Variants in SYNDIG1L observed in about 807,000 individuals in gnomAD.
SYNDIG1L encodes synapse differentiation inducing 1 like, also known as synapse differentiation-inducing gene protein 1-like.
A neutral mutation model predicts 20.1 loss-of-function variants in SYNDIG1L; 13 were observed. The observed-to-expected ratio is 0.65, with a 90% CI of 0.42 to 1.03. SYNDIG1L has a LOEUF of 1.03. Ranked by LOEUF, SYNDIG1L falls within the 50% of genes least tolerant of loss-of-function variation. The pLI, the probability that SYNDIG1L is intolerant of heterozygous loss-of-function variation, is 0.00. For synonymous variants in SYNDIG1L, 128 were observed against 129.3 expected (o/e 0.99, Z 0.07); for missense variants, 294 against 305.1 (o/e 0.96, Z 0.27).
At chr14:74,473,856 G>C in the SYNDIG1L span, among the ~76,000 whole-genome samples, 1 of 152,190 alleles carries the variant, frequency 6.6e-6, no homozygotes, top group Non-Finnish European at 1.5e-5. Context: ...CTATACCCTC[G>C]GAACTAGAAG....
At chr14:74,475,621 G>C in the SYNDIG1L span, among the ~76,000 whole-genome samples, 1 of 151,740 alleles carries the variant, frequency 6.6e-6, no homozygotes, top group Non-Finnish European at 1.5e-5. Context: ...GCTCCTGGGA[G>C]GGTCTGAGAC....
chr14:74,426,950 T>G (rs570404588), upstream of SYNDIG1L, among the ~76,000 whole-genome samples: 1 of 152,070 alleles, frequency 6.6e-6, no homozygotes, highest in Admixed American at 6.5e-5. Context: ...AGGGGTCATA[T>G]GAGGACAAAA....
At chr14:74,471,306 CTAAT>C in the SYNDIG1L span, among the ~76,000 whole-genome samples, 1 of 152,008 alleles carries the variant, frequency 6.6e-6, no homozygotes, top group Non-Finnish European at 1.5e-5. Flanking sequence ...ATAATAAAGT[CTAAT>C]TAACAGGCCA....
the SYNDIG1L span, among the ~76,000 whole-genome samples, chr14:74,460,445 G>A: frequency 1.3e-5 from 2 of 152,146 alleles, no homozygotes; most frequent in Non-Finnish European, 2.9e-5. Context: ...TCATTTCAGA[G>A]CTGCCCCACC....
the SYNDIG1L span, among the ~76,000 whole-genome samples, chr14:74,438,739 G>C: frequency 6.6e-6 from 1 of 152,162 alleles, no homozygotes; most frequent in Non-Finnish European, 1.5e-5. Context: ...AGAATGTTCT[G>C]TTATCAGTGC....
the SYNDIG1L span, among the ~76,000 whole-genome samples, chr14:74,460,422 C>T: frequency 6.6e-6 from 1 of 152,206 alleles, no homozygotes; most frequent in Non-Finnish European, 1.5e-5. Flanking sequence ...CCACAGCCAC[C>T]TCCTGAACCT....
At chr14:74,440,189 C>A in the SYNDIG1L span, among the ~76,000 whole-genome samples, 1 of 151,814 alleles carries the variant, frequency 6.6e-6, no homozygotes, top group African/African-American at 2.4e-5. Flanking sequence ...ACCATCCTGG[C>A]TAACACGGTG....
intron 1 of SYNDIG1L, among the ~76,000 whole-genome samples, chr14:74,414,123 A>T (rs1414841331): frequency 6.6e-6 from 1 of 152,008 alleles, no homozygotes; most frequent in Non-Finnish European, 1.5e-5. Flanking sequence ...AATTATCATC[A>T]CCACCGTTGT....
chr14:74,470,271 C>G, the SYNDIG1L span, among the ~76,000 whole-genome samples: 1 of 152,088 alleles, frequency 6.6e-6, no homozygotes, highest in Admixed American at 6.6e-5. Flanking sequence ...GCAGCCTGGC[C>G]CCTGCTTCCA....
chr14:74,430,402 A>G (rs571863088), upstream of SYNDIG1L, among the ~76,000 whole-genome samples: 1 of 151,666 alleles, frequency 6.6e-6, no homozygotes, highest in South Asian at 2.1e-4. Flanking sequence ...TTCACCTGAT[A>G]TGGTAACAAA....
At position 74,407,922 on chromosome 14, in the gene SYNDIG1L, A is replaced by T. The variant is rs1342855083; in HGVS notation, c.485T>A (p.Leu162Gln). ...GAGCATGGAGAAGAGAGTAAGTCCC[A>T]GGTGGTCCCTGGGAGGCAGCGTGAG... Reference protein sequence around the residue: ...NFLTLPPRDHLGLTLFSMLCC... With the variant: ...NFLTLPPRDHQGLTLFSMLCC... The change falls in exon 3 of 4, where the codon CTG becomes CAG. Residue 162 changes from leucine (L) to glutamine (Q), a missense_variant. Transcript: ENST00000331628. The T allele has an allele frequency of 6.2e-7, 1 of 1,614,012 alleles. No homozygotes were observed.
chr14:74,430,040 TGAG>T (rs1346946427), upstream of SYNDIG1L, among the ~76,000 whole-genome samples: 1 of 152,084 alleles, frequency 6.6e-6, no homozygotes, highest in Non-Finnish European at 1.5e-5. Context: ...GGAAAGAAGA[TGAG>T]GAGAGTTCTT....
chr14:74,476,574 A>G, the SYNDIG1L span: 1 of 1,535,694 alleles, frequency 6.5e-7, no homozygotes, highest in Non-Finnish European at 8.7e-7. Context: ...CAGTGAGCAG[A>G]GAACAGGCAT....
chr14:74,409,661 G>A lies in SYNDIG1L; in HGVS notation c.84C>T (p.Thr28=), dbSNP rs766953009. 1.3e-6 allele frequency: 2 copies of A among 1,498,464 alleles called. No homozygotes were observed. Among genetic ancestry groups the A allele is most frequent in the African/African-American group, 2.8e-5 (2 of 71,148 alleles). 92.8% of individuals were successfully genotyped at this position (1,498,464 alleles called of 1,614,324 possible). A position where few individuals can be genotyped will look rare whatever the true frequency, so the allele number is the denominator to read the frequency against. Residue 28 remains threonine, a synonymous_variant, in exon 2 of 4, where the codon ACC becomes ACT. Coordinates refer to ENST00000331628, the MANE Select transcript of SYNDIG1L (RefSeq NM_001105579.2). Reference sequence around the variant, plus strand: ...TTTCCTGGCAGGACCAGCTGGGTGGGGTCTCCGGGTAGGGATAGGGGCCAT... The same window carrying A: ...TTTCCTGGCAGGACCAGCTGGGTGGAGTCTCCGGGTAGGGATAGGGGCCAT... The part of the protein sequence containing the change: ...HLHGPYPYPE[T]PPSWSCQEKL...
the SYNDIG1L span, among the ~76,000 whole-genome samples, chr14:74,465,664 A>C: frequency 6.6e-6 from 1 of 152,182 alleles, no homozygotes; most frequent in Admixed American, 6.5e-5. Flanking sequence ...CCAGGTTCTG[A>C]CAGCCAGCAG....
At chr14:74,408,747 A>T (rs1023383022) in intron 2 of SYNDIG1L, among the ~76,000 whole-genome samples, 65 of 152,280 alleles carry the variant, frequency 4.3e-4, no homozygotes, top group Non-Finnish European at 8.8e-4. Context: ...AGATTATAAA[A>T]CTATGTACAG....
At chr14:74,436,667 C>A in the SYNDIG1L span, among the ~76,000 whole-genome samples, 3 of 151,862 alleles carry the variant, frequency 2.0e-5, no homozygotes, top group Non-Finnish European at 4.4e-5. Context: ...TGGCCAACAT[C>A]ATGAAACCAA....
Position 74,407,709 on chromosome 14 carries a change from T to G in SYNDIG1L, c.559-16A>C. ...CCTTGCTGGTCTAGGGAGAGAGACA[T>G]GCTGATGAACAGGAGTGTCCCCACA... is the stretch of plus-strand genomic sequence containing the variant. On this transcript the variant is annotated splice_polypyrimidine_tract_variant and intron_variant, in intron 3 of 3. Coordinates refer to ENST00000331628, the MANE Select transcript of SYNDIG1L (RefSeq NM_001105579.2). 2 of 1,592,264 alleles carry G rather than the reference T, an allele frequency of 1.3e-6. No individual in the cohort carries two copies. The highest frequency in any genetic ancestry group is 1.7e-6 in the Non-Finnish European group (2 of 1,168,304).
chr14:74,448,085 GAAGAA>G, the SYNDIG1L span, among the ~76,000 whole-genome samples: 3 of 151,976 alleles, frequency 2.0e-5, no homozygotes, highest in Non-Finnish European at 2.9e-5. Context: ...AGGCAGAAGA[GAAGAA>G]AAGGGAATAC....
Sources: gnomAD v4.1 joint callset for allele counts (sites outside exome capture counted in the v4.1 genomes callset) on GRCh38, gnomAD v4.1.1 for gene constraint, MANE v1.5 for transcripts, NCBI Gene and HGNC (gene_info 2026-07-23, HGNC 2026-07-21) for gene names.